MACROD2: variants seen among roughly 807,000 people sequenced by gnomAD.
The protein encoded by MACROD2 is ADP-ribose glycohydrolase MACROD2.
MACROD2 carries 36 observed loss-of-function variants against 70.4 expected under a neutral mutation model. The observed-to-expected ratio is 0.51, with a 90% confidence interval of 0.39 to 0.68. MACROD2 has a LOEUF of 0.68. MACROD2 is among the 30% of genes least tolerant of loss of function. MACROD2 has a pLI of 0.00. For synonymous variants in MACROD2, 172 were observed against 178.8 expected (o/e 0.96, Z 0.30); for missense variants, 496 against 538.4 (o/e 0.92, Z 0.78).
intron 15 of MACROD2, among the ~76,000 whole-genome samples, chr20:16,002,003 A>G (rs1334728021): frequency 6.6e-6 from 1 of 151,714 alleles, no homozygotes; most frequent in African/African-American, 2.4e-5. Flanking sequence ...TAGGATAAAT[A>G]CTAGACAAGA....
chr20:15,571,123 C>T (rs768302702), intron 8 of MACROD2, among the ~76,000 whole-genome samples: 1 of 152,100 alleles, frequency 6.6e-6, no homozygotes, highest in Non-Finnish European at 1.5e-5. Context: ...TTTTAATCTA[C>T]AATTGTAGGT....
intron 4 of MACROD2, among the ~76,000 whole-genome samples, chr20:14,635,379 C>T (rs1984735391): frequency 1.3e-5 from 2 of 152,110 alleles, no homozygotes; most frequent in African/African-American, 4.8e-5. Context: ...CTAGAAAAGT[C>T]ACTAAAATGC....
At chr20:14,962,750 C>G (rs1248202595) in intron 5 of MACROD2, among the ~76,000 whole-genome samples, 1 of 149,700 alleles carries the variant, frequency 6.7e-6, no homozygotes, top group Non-Finnish European at 1.5e-5. Flanking sequence ...TTCTTCTTTT[C>G]CTTTTCCTCC....
intron 5 of MACROD2, among the ~76,000 whole-genome samples, chr20:15,194,979 G>A (rs907031655): frequency 3.3e-5 from 5 of 152,108 alleles, no homozygotes; most frequent in Non-Finnish European, 7.4e-5. Flanking sequence ...TCTAAGCAAT[G>A]GGGAAAGGAT....
intron 7 of MACROD2, among the ~76,000 whole-genome samples, chr20:15,439,180 C>T (rs2046464383): frequency 6.6e-6 from 1 of 152,152 alleles, no homozygotes; most frequent in Non-Finnish European, 1.5e-5. Flanking sequence ...GCTGGCCATC[C>T]AGGAGGCCCT....
intron 1 of MACROD2, among the ~76,000 whole-genome samples, chr20:14,001,393 T>C (rs574014710): frequency 2.0e-4 from 30 of 152,282 alleles, no homozygotes; most frequent in African/African-American, 7.0e-4. Context: ...AAGATATATA[T>C]ATTTAAAGCA....
At chr20:14,348,281 A>AAATAAC (rs71190131) in intron 3 of MACROD2, among the ~76,000 whole-genome samples, 1 of 147,800 alleles carries the variant, frequency 6.8e-6, no homozygotes, top group Admixed American at 6.7e-5. Flanking sequence ...AAAAAAAAAA[A>AAATAAC]TAAATAAAAT....
At chr20:15,070,310 TG>T (rs2075608847) in intron 5 of MACROD2, among the ~76,000 whole-genome samples, 1 of 152,120 alleles carries the variant, frequency 6.6e-6, no homozygotes, top group South Asian at 2.1e-4. Context: ...GAACTTGCCA[TG>T]GGTTTCAGAT....
At chr20:15,723,533 A>G (rs905554290) in intron 8 of MACROD2, among the ~76,000 whole-genome samples, 2 of 152,206 alleles carry the variant, frequency 1.3e-5, no homozygotes, top group Non-Finnish European at 2.9e-5. Flanking sequence ...AGTTGGAATC[A>G]TACAGTAAGT....
chr20:15,574,835 T>C (rs1600614269), intron 8 of MACROD2, among the ~76,000 whole-genome samples: 3 of 152,320 alleles, frequency 2.0e-5, no homozygotes, highest in African/African-American at 7.2e-5. Flanking sequence ...GCTGCATTTG[T>C]TTCAGATTCT....
chr20:15,896,184 G>C (rs1030630009), intron 10 of MACROD2, among the ~76,000 whole-genome samples: 2 of 152,160 alleles, frequency 1.3e-5, no homozygotes, highest in Admixed American at 1.3e-4. Context: ...TATTTTTTTA[G>C]AAAGAGAAGC....
At chr20:14,018,508 A>G (rs778836654) in intron 2 of MACROD2, among the ~76,000 whole-genome samples, 6 of 152,078 alleles carry the variant, frequency 3.9e-5, no homozygotes, top group Admixed American at 6.5e-5. Flanking sequence ...ATTTTTCAGG[A>G]GTATGTTGCC....
chr20:15,688,962 T>G (rs984197695), intron 8 of MACROD2, among the ~76,000 whole-genome samples: 1 of 152,254 alleles, frequency 6.6e-6, no homozygotes, highest in Non-Finnish European at 1.5e-5. Flanking sequence ...TATTGCTCAC[T>G]TAACATGTGC....
chr20:14,010,369 G>A (rs1037847242), intron 2 of MACROD2, among the ~76,000 whole-genome samples: 2 of 152,046 alleles, frequency 1.3e-5, no homozygotes, highest in Non-Finnish European at 2.9e-5. Context: ...GGTTGGTCCT[G>A]CTGTCTCAGG....
chr20:14,292,300 C>A (rs1165766340), intron 3 of MACROD2, among the ~76,000 whole-genome samples: 1 of 151,788 alleles, frequency 6.6e-6, no homozygotes, highest in Non-Finnish European at 1.5e-5. Flanking sequence ...GAGACACTTA[C>A]CAATGTCTGA....
At chr20:14,425,280 T>C (rs1453577024) in intron 3 of MACROD2, among the ~76,000 whole-genome samples, 1 of 152,204 alleles carries the variant, frequency 6.6e-6, no homozygotes, top group African/African-American at 2.4e-5. Context: ...TATGAAAAGA[T>C]AATTTGTCTC....
chr20:15,000,964 C>G (rs2074990605), intron 5 of MACROD2, among the ~76,000 whole-genome samples: 1 of 152,102 alleles, frequency 6.6e-6, no homozygotes, highest in African/African-American at 2.4e-5. Context: ...TCATTACTTG[C>G]TTTTTCTGTA....
At chr20:14,917,551 C>T (rs914086734) in intron 5 of MACROD2, among the ~76,000 whole-genome samples, 5 of 152,014 alleles carry the variant, frequency 3.3e-5, no homozygotes, top group African/African-American at 9.7e-5. Flanking sequence ...TGTGGAAGCT[C>T]ACCGGGAAGC....
At chr20:16,035,150 TAAAA>T (rs1568726057) in intron 15 of MACROD2, among the ~76,000 whole-genome samples, 5,473 of 97,876 alleles carry the variant, frequency 0.056, 583 homozygotes, top group African/African-American at 0.17. Context: ...ATATTATATA[TAAAA>T]TATAATATAA....
Sources: allele counts gnomAD v4.1 joint callset (sites outside exome capture counted in the v4.1 genomes callset), GRCh38; gene constraint gnomAD v4.1.1; transcripts MANE v1.5; gene names NCBI Gene and HGNC (gene_info 2026-07-23, HGNC 2026-07-21).